Variants in INSL6 observed in about 807,000 individuals in gnomAD.
The protein encoded by INSL6 is insulin like 6, also known as insulin-like peptide INSL6.
INSL6 carries 16 observed loss-of-function variants against 9.4 expected under a neutral mutation model. The ratio of observed to expected loss-of-function variants is 1.70; its 90% CI spans 1.15 to 2.59. The LOEUF (loss-of-function observed/expected upper bound fraction) is 2.59, where lower values mean the gene tolerates loss of function less well. Ranked by LOEUF, INSL6 falls within the 30% of genes most tolerant of loss-of-function variation. The pLI, the probability that INSL6 is intolerant of heterozygous loss-of-function variation, is 0.00. For missense variants in INSL6, 391 were observed against 257.3 expected (o/e 1.52, Z -3.56); for synonymous variants, 154 against 96.9 (o/e 1.59, Z -3.46).
At chr9:5,178,949 A>T (rs1825381140) in intron 1 of INSL6, among the ~76,000 whole-genome samples, 1 of 152,086 alleles carries the variant, frequency 6.6e-6, no homozygotes, top group Non-Finnish European at 1.5e-5. Context: ...ACACAGGCAC[A>T]GGCAAATATT....
chr9:5,093,799 A>T, the INSL6 span, among the ~76,000 whole-genome samples: 1 of 152,154 alleles, frequency 6.6e-6, no homozygotes, highest in African/African-American at 2.4e-5. Flanking sequence ...TTGGATCAGG[A>T]CATCCTAATG....
downstream of INSL6, among the ~76,000 whole-genome samples, chr9:5,119,380 A>C (rs899785269): frequency 7.9e-5 from 12 of 152,060 alleles, no homozygotes; most frequent in African/African-American, 2.9e-4. Flanking sequence ...TAAATAGAAA[A>C]TTATGCACTT....
chr9:5,179,006 C>G (rs1429020815), intron 1 of INSL6, among the ~76,000 whole-genome samples: 2 of 142,594 alleles, frequency 1.4e-5, no homozygotes, highest in Non-Finnish European at 3.0e-5. Context: ...CAAAAACTGA[C>G]AAACGGGATT....
At chr9:5,131,074 G>A (rs1824270493) in intron 3 of INSL6, among the ~76,000 whole-genome samples, 1 of 152,058 alleles carries the variant, frequency 6.6e-6, no homozygotes, top group Admixed American at 6.5e-5. Flanking sequence ...TTGTGAGTTG[G>A]AATTTATTTA....
chr9:5,112,028 T>C, the INSL6 span: 2 of 407,252 alleles, frequency 4.9e-6, no homozygotes, highest in African/African-American at 2.1e-5. Context: ...CAGGAGTCCC[T>C]GGTGCCTTAT....
At chr9:5,029,957 G>T in the INSL6 span, 1 of 1,491,698 alleles carries the variant, frequency 6.7e-7, no homozygotes, top group Non-Finnish European at 9.0e-7. Flanking sequence ...CAAAATGGGA[G>T]AAATTATCAA....
At chr9:5,024,911 G>C in the INSL6 span, among the ~76,000 whole-genome samples, 84 of 152,284 alleles carry the variant, frequency 5.5e-4, no homozygotes, top group Middle Eastern at 3.4e-3. Context: ...TTTCACACTG[G>C]GAGCACCAAT....
the INSL6 span, among the ~76,000 whole-genome samples, chr9:5,040,018 A>G: frequency 6.6e-6 from 1 of 152,234 alleles, no homozygotes; most frequent in African/African-American, 2.4e-5. Context: ...ATCTTGAAAC[A>G]ATACAAAGTT....
At chr9:5,172,030 T>A (rs1341559018) in intron 1 of INSL6, among the ~76,000 whole-genome samples, 3 of 151,996 alleles carry the variant, frequency 2.0e-5, no homozygotes, top group Non-Finnish European at 2.9e-5. Flanking sequence ...GCCAAGACAA[T>A]CCTAAGCAAA....
chr9:5,086,978 C>CG, the INSL6 span, among the ~76,000 whole-genome samples: 5 of 152,096 alleles, frequency 3.3e-5, no homozygotes, highest in Non-Finnish European at 7.3e-5. Flanking sequence ...TTTCCTAGTA[C>CG]GGGAACAATA....
chr9:5,072,471 T>C, the INSL6 span: 1 of 1,505,042 alleles, frequency 6.6e-7, no homozygotes. Context: ...CATTCTTTTC[T>C]TTTACCTTTT....
the INSL6 span, among the ~76,000 whole-genome samples, chr9:5,064,627 TAAG>T: frequency 6.6e-6 from 1 of 152,148 alleles, no homozygotes; most frequent in African/African-American, 2.4e-5. Context: ...TATATTAGTC[TAAG>T]AAGGACATTG....
At chr9:5,126,480 C>A in intron 3 of INSL6, 1 of 1,408,408 alleles carries the variant, frequency 7.1e-7, no homozygotes, top group Non-Finnish European at 9.9e-7. Flanking sequence ...GGTAGTCATG[C>A]ATTTTCTTTT....
the INSL6 span, chr9:5,084,961 C>CT: frequency 2.8e-6 from 2 of 705,378 alleles, no homozygotes; most frequent in Non-Finnish European, 5.0e-6. Flanking sequence ...TAGGCACAGT[C>CT]TGAGATAGCT....
At chr9:5,016,206 T>C in the INSL6 span, among the ~76,000 whole-genome samples, 1 of 152,332 alleles carries the variant, frequency 6.6e-6, no homozygotes, top group African/African-American at 2.4e-5. Context: ...TGACATGATT[T>C]AGGAACTTCA....
At chr9:5,110,462 C>G in the INSL6 span, 1 of 152,698 alleles carries the variant, frequency 6.5e-6, no homozygotes, top group Non-Finnish European at 1.5e-5. Flanking sequence ...GCACCCACAC[C>G]TTTTTTAAAG....
intron 2 of INSL6, among the ~76,000 whole-genome samples, chr9:5,136,163 T>A (rs1210542911): frequency 6.6e-6 from 1 of 152,112 alleles, no homozygotes; most frequent in Non-Finnish European, 1.5e-5. Context: ...CAGGACCAGA[T>A]GGATTCACAG....
At chr9:5,016,865 C>G in the INSL6 span, among the ~76,000 whole-genome samples, 1 of 152,110 alleles carries the variant, frequency 6.6e-6, no homozygotes, top group Admixed American at 6.5e-5. Flanking sequence ...GTGAACAGTT[C>G]TGCTAAAATA....
At chr9:5,162,403 G>A (rs142590856), downstream of INSL6, among the ~76,000 whole-genome samples, 175 of 152,114 alleles carry the variant, frequency 1.2e-3, 1 homozygote, top group African/African-American at 3.9e-3. Flanking sequence ...ATATAGCTAT[G>A]CAAATAACAC....
Sources: allele counts gnomAD v4.1 joint callset (sites outside exome capture counted in the v4.1 genomes callset), GRCh38; gene constraint gnomAD v4.1.1; transcripts MANE v1.5; gene names NCBI Gene and HGNC (gene_info 2026-07-23, HGNC 2026-07-21).